KMT2C: variants seen among roughly 807,000 people sequenced by gnomAD.
KMT2C encodes lysine methyltransferase 2C.
A neutral mutation model predicts 507.9 loss-of-function variants in KMT2C; 88 were observed. The observed-to-expected ratio is 0.17, with a 90% CI of 0.15 to 0.21. The LOEUF is 0.21. KMT2C is among the 10% of genes least tolerant of loss of function. The pLI is 1.00. For missense variants in KMT2C, 4,954 were observed against 5,957.8 expected (o/e 0.83, Z 5.55); for synonymous variants, 2,049 against 2,080.8 (o/e 0.98, Z 0.42).
At chr7:152,281,755 G>A (rs907665795) in intron 6 of KMT2C, among the ~76,000 whole-genome samples, 1 of 149,662 alleles carries the variant, frequency 6.7e-6, no homozygotes, top group South Asian at 2.1e-4. Flanking sequence ...AAAAAAAAAA[G>A]AAATTACTTT....
At chr7:152,159,313 T>A (rs190799329) in intron 43 of KMT2C, among the ~76,000 whole-genome samples, 110 of 152,374 alleles carry the variant, frequency 7.2e-4, no homozygotes, top group African/African-American at 2.6e-3. Flanking sequence ...AACTCATTAG[T>A]AAGGCCACAG....
intron 1 of KMT2C, among the ~76,000 whole-genome samples, chr7:152,410,864 G>A (rs1322380637): frequency 2.0e-5 from 3 of 151,726 alleles, no homozygotes; most frequent in Non-Finnish European, 4.4e-5. Flanking sequence ...ATTAGCTGGT[G>A]GTGATGGCAC....
intron 1 of KMT2C, among the ~76,000 whole-genome samples, chr7:152,435,230 G>C (rs1038326949): frequency 6.6e-5 from 10 of 151,968 alleles, no homozygotes; most frequent in African/African-American, 1.7e-4. Flanking sequence ...CCGACGGCTC[G>C]GCGGTTCGCC....
chr7:152,170,182 T>C (rs2092900560), intron 40 of KMT2C, among the ~76,000 whole-genome samples: 1 of 152,226 alleles, frequency 6.6e-6, no homozygotes, highest in South Asian at 2.1e-4. Context: ...ATAGTGGAAC[T>C]ATAATTTCTT....
At chr7:152,372,244 C>T (rs1401822605) in intron 1 of KMT2C, among the ~76,000 whole-genome samples, 3 of 152,156 alleles carry the variant, frequency 2.0e-5, no homozygotes, top group African/African-American at 4.8e-5. Flanking sequence ...CAACCTCCAC[C>T]TCCTGGGTTC....
intron 2 of KMT2C, among the ~76,000 whole-genome samples, chr7:152,351,250 A>G (rs1270461908): frequency 6.6e-6 from 1 of 152,214 alleles, no homozygotes; most frequent in African/African-American, 2.4e-5. Flanking sequence ...GTCACTTATT[A>G]TCAAGAGTTA....
In KMT2C at chr7:152,381,993, A is replaced by AT. The variant is rs1181341996; in HGVS notation, c.162-23319dup. On this transcript the variant is annotated intron_variant, in intron 1 of 58. Transcript: ENST00000262189. ...AGCTATCCCTACCCATTAATACTGT[A>AT]TTTTTCACCTGCTCAAAAGTCCATA... Among the ~76,000 whole-genome samples, 23 of 152,280 alleles carry AT rather than the reference A, an allele frequency of 1.5e-4. No homozygotes were observed. The East Asian group carries it at 4.4e-3, about 29-fold the overall frequency.
At chr7:152,154,544 A>C in intron 46 of KMT2C, 99 bp from the exon 47 acceptor site, 1 of 981,186 alleles carries the variant, frequency 1.0e-6, no homozygotes. Context: ...CTGTAAGGAT[A>C]CTCTGGGCAG....
At chr7:152,315,915 G>C (rs1430451124) in intron 3 of KMT2C, among the ~76,000 whole-genome samples, 2 of 151,822 alleles carry the variant, frequency 1.3e-5, no homozygotes, top group Non-Finnish European at 2.9e-5. Flanking sequence ...TCTGTCTCAG[G>C]AAACAAAAAA....
At position 152,138,061 on chromosome 7, in the gene KMT2C, T is replaced by G. The variant is rs2090087701; in HGVS notation, c.14643+735A>C. ...CCTCACTCCCCAAATGCGGGACGTT[T>G]CCTACAGAAACCAAGCCTGCTGCTC... On this transcript the variant is annotated intron_variant, in intron 58 of 58. Transcript: ENST00000262189. The surrounding 1 kb of genome is among the most constrained non-coding windows in gnomAD (Gnocchi z 4.2). The G allele has an allele frequency of 6.6e-6, 1 of 152,194 alleles. No homozygotes were observed. Among genetic ancestry groups the G allele is most frequent in the Admixed American group, 6.5e-5 (1 of 15,274 alleles). 9.4% of individuals were successfully genotyped at this position (152,194 alleles called of 1,614,324 possible). A position where few individuals can be genotyped will look rare whatever the true frequency, so the allele number is the denominator to read the frequency against.
At chr7:152,311,723 AG>A in intron 5 of KMT2C, 74 bp downstream of exon 5, 1 of 1,030,894 alleles carries the variant, frequency 9.7e-7, no homozygotes, top group South Asian at 2.0e-5. Context: ...TTTATTATTG[AG>A]GACATTAATA....
chr7:152,187,710 T>C lies in KMT2C; in HGVS notation c.4793+5A>G, dbSNP rs1303720565. The C allele has an allele frequency of 1.1e-5, 17 of 1,612,068 alleles. 1 individual carries two copies. The highest frequency in any genetic ancestry group is 1.7e-5 in the Admixed American group (1 of 59,688). Reference sequence around the variant, plus strand: ...TTAAGTTTCCATAGAAAATAAGGCTTGTACCTGGCATCAGGATAAGAGGAT... The same window carrying C: ...TTAAGTTTCCATAGAAAATAAGGCTCGTACCTGGCATCAGGATAAGAGGAT... On this transcript the variant is annotated splice_donor_5th_base_variant and intron_variant, in intron 32 of 58. Transcript: ENST00000262189.
intron 23 of KMT2C, among the ~76,000 whole-genome samples, chr7:152,218,785 C>T (rs577089397): frequency 6.6e-6 from 1 of 152,186 alleles, no homozygotes; most frequent in Non-Finnish European, 1.5e-5. Context: ...TGTTGGTCTC[C>T]ACAACACTCT....
intron 38 of KMT2C, among the ~76,000 whole-genome samples, chr7:152,175,003 T>C (rs540146266): frequency 1.6e-4 from 24 of 152,302 alleles, no homozygotes; most frequent in Admixed American, 5.9e-4. Flanking sequence ...TGAAAACATA[T>C]GGCAACAATG....
At position 152,215,698 on chromosome 7, in the gene KMT2C, CAT is replaced by C. The variant is rs1563431413; in HGVS notation, c.3712+4823_3712+4824del. ...CAAAATATATATATATACACACACA[CAT>C]ACACACACAAAATATATATATATAC... On this transcript the variant is annotated intron_variant, in intron 23 of 58. Transcript: ENST00000262189. Among the ~76,000 whole-genome samples the C allele has an allele frequency of 6.1e-3, 815 of 134,424 alleles. 27 individuals carry two copies. The highest frequency in any genetic ancestry group is 0.027 in the African/African-American group (788 of 28,954). 88.2% of individuals were successfully genotyped at this position (134,424 alleles called of 152,430 possible). A position where few individuals can be genotyped will look rare whatever the true frequency, so the allele number is the denominator to read the frequency against.
At chr7:152,427,548 T>C (rs577275906) in intron 1 of KMT2C, among the ~76,000 whole-genome samples, 43 of 152,344 alleles carry the variant, frequency 2.8e-4, no homozygotes, top group African/African-American at 9.9e-4. Context: ...AGTCCATTGA[T>C]GCATATTTTG....
At chr7:152,329,401 C>T (rs979329369) in intron 3 of KMT2C, among the ~76,000 whole-genome samples, 13 of 151,238 alleles carry the variant, frequency 8.6e-5, no homozygotes, top group Non-Finnish European at 4.4e-5. Flanking sequence ...CCAGTCTCTA[C>T]CAAAAAAAAA....
intron 8 of KMT2C, 142 bp from the exon 9 acceptor site, chr7:152,263,272 G>A (rs559014874): frequency 4.7e-6 from 3 of 638,710 alleles, no homozygotes; most frequent in Non-Finnish European, 7.8e-6. Flanking sequence ...GATAGTAACA[G>A]AGGTAACCCT....
At chr7:152,297,057 G>GAAAGAAAGAAAGAAAGAAAGAAAGAA (rs756980169) in intron 6 of KMT2C, among the ~76,000 whole-genome samples, 3 of 90,696 alleles carry the variant, frequency 3.3e-5, no homozygotes, top group Admixed American at 1.2e-4. Context: ...AAGAAAGACA[G>GAAAGAAAGAAAGAAAGAAAGAAAGAA]AGAGAGAGAG....
Sources: allele counts gnomAD v4.1 joint callset (sites outside exome capture counted in the v4.1 genomes callset), GRCh38; gene constraint gnomAD v4.1.1; non-coding constraint Gnocchi (gnomAD v3.1); transcripts MANE v1.5; gene names NCBI Gene and HGNC (gene_info 2026-07-23, HGNC 2026-07-21).